Variants in MAF observed in about 807,000 individuals in gnomAD.
MAF encodes the protein MAF bZIP transcription factor, also known as transcription factor Maf.
Under a neutral mutation model 22.0 loss-of-function variants are expected in MAF, and 10 were observed. That is an observed-to-expected ratio of 0.45 (90% CI 0.28 to 0.77). MAF has a LOEUF of 0.77. Ranked by LOEUF, MAF falls within the 30% of genes least tolerant of loss-of-function variation. The pLI, the probability that MAF is intolerant of heterozygous loss-of-function variation, is 0.12. For missense variants in MAF, 544 were observed against 548.4 expected (o/e 0.99, Z 0.08); for synonymous variants, 337 against 255.8 (o/e 1.32, Z -3.03).
the MAF span, among the ~76,000 whole-genome samples, chr16:79,471,180 T>C: frequency 6.6e-6 from 1 of 152,184 alleles, no homozygotes. Context: ...CAGGGTAAGA[T>C]GGAGAGGCAG....
chr16:79,386,483 G>T, the MAF span, among the ~76,000 whole-genome samples: 3 of 152,126 alleles, frequency 2.0e-5, no homozygotes, highest in African/African-American at 4.8e-5. Flanking sequence ...CGTGAGTGAT[G>T]GGGAGTGGCT....
At chr16:79,243,017 A>G in the MAF span, among the ~76,000 whole-genome samples, 3 of 152,090 alleles carry the variant, frequency 2.0e-5, no homozygotes, top group African/African-American at 7.2e-5. Flanking sequence ...ACGAAGACAC[A>G]AAGTACCAGA....
chr16:79,430,722 G>T, the MAF span, among the ~76,000 whole-genome samples: 1 of 152,166 alleles, frequency 6.6e-6, no homozygotes, highest in African/African-American at 2.4e-5. Flanking sequence ...GCTGATTTGT[G>T]CTTCTACTTC....
At chr16:79,475,983 T>C in the MAF span, among the ~76,000 whole-genome samples, 16 of 152,330 alleles carry the variant, frequency 1.1e-4, no homozygotes, top group African/African-American at 3.8e-4. Flanking sequence ...TTTTCAAATG[T>C]AATCAAGGTC....
the MAF span, among the ~76,000 whole-genome samples, chr16:79,510,496 T>A: frequency 6.6e-6 from 1 of 152,082 alleles, no homozygotes; most frequent in Non-Finnish European, 1.5e-5. Flanking sequence ...ACAGTTTGGG[T>A]TCCAGAATAG....
Position 79,599,042 on chromosome 16 carries a change from G to A in MAF, c.861C>T (p.Ile287=), listed in dbSNP as rs139380519. Residue 287 remains isoleucine (I), a synonymous_variant, in exon 1 of 2, where the codon ATC becomes ATT. Transcript: ENST00000326043. The part of the protein sequence containing the change: ...QLRGVSKEEV[I]RLKQKRRTLK... ...GGGTCCGCCTCTTCTGCTTCAGCCG[G>A]ATCACCTCCTCCTTGCTGACCCCGC... is the stretch of plus-strand genomic sequence containing the variant. 2.5e-4 allele frequency: 409 copies of A among 1,612,974 alleles called. No individual in the cohort carries two copies. The highest frequency in any genetic ancestry group is 3.4e-4 in the Non-Finnish European group (396 of 1,179,894).
the MAF span, among the ~76,000 whole-genome samples, chr16:79,573,175 T>A: frequency 7.2e-5 from 11 of 152,234 alleles, no homozygotes; most frequent in East Asian, 5.8e-4. Context: ...ATTAGGTTTT[T>A]GACTATCTTG....
chr16:79,510,352 G>A, the MAF span, among the ~76,000 whole-genome samples: 1 of 152,186 alleles, frequency 6.6e-6, no homozygotes, highest in African/African-American at 2.4e-5. Flanking sequence ...TGATTGTAAA[G>A]CTGTCTAATT....
chr16:79,290,099 C>T, the MAF span, among the ~76,000 whole-genome samples: 2 of 152,064 alleles, frequency 1.3e-5, no homozygotes, highest in Non-Finnish European at 2.9e-5. Context: ...CCTTGTGATC[C>T]ACCCACCTCG....
At chr16:79,208,203 A>G in the MAF span, among the ~76,000 whole-genome samples, 3 of 152,230 alleles carry the variant, frequency 2.0e-5, no homozygotes, top group African/African-American at 7.2e-5. Flanking sequence ...ATGTTTGACT[A>G]GATCGGAAAT....
chr16:79,373,680 G>A, the MAF span, among the ~76,000 whole-genome samples: 4 of 151,886 alleles, frequency 2.6e-5, no homozygotes, highest in Non-Finnish European at 5.9e-5. Flanking sequence ...ATCCAGCCTG[G>A]TAGCTTCATA....
At chr16:79,251,044 C>T in the MAF span, among the ~76,000 whole-genome samples, 5 of 152,154 alleles carry the variant, frequency 3.3e-5, no homozygotes, top group Non-Finnish European at 1.5e-5. Flanking sequence ...CTAATACCAC[C>T]TGACCTTCAG....
chr16:79,535,557 A>G, the MAF span, among the ~76,000 whole-genome samples: 796 of 149,854 alleles, frequency 5.3e-3, 8 homozygotes, highest in African/African-American at 0.018. Flanking sequence ...TTCATAAAGG[A>G]CTGAAGATAG....
At chr16:79,259,303 A>G in the MAF span, among the ~76,000 whole-genome samples, 2 of 151,772 alleles carry the variant, frequency 1.3e-5, no homozygotes, top group Non-Finnish European at 2.9e-5. Context: ...TGCTTGGAAA[A>G]CTGGCCTCCT....
At chr16:79,516,619 C>T in the MAF span, among the ~76,000 whole-genome samples, 1 of 152,188 alleles carries the variant, frequency 6.6e-6, no homozygotes, top group Non-Finnish European at 1.5e-5. Flanking sequence ...CTAATCCCTT[C>T]CTGTGGATTA....
intron 1 of MAF, 192 bp downstream of exon 1, chr16:79,598,581 GGTGTGTGTGTGT>G (rs5818250): frequency 1.6e-5 from 23 of 1,410,580 alleles, no homozygotes; most frequent in Middle Eastern, 2.6e-4. Context: ...CAGGGTGTGG[GGTGTGTGTGTGT>G]GTGTGTGTGT....
chr16:79,285,843 G>A, the MAF span, among the ~76,000 whole-genome samples: 1 of 152,174 alleles, frequency 6.6e-6, no homozygotes, highest in East Asian at 1.9e-4. Flanking sequence ...GAGCAATTCT[G>A]GTGCTCACAG....
At chr16:79,598,058 A>G in intron 1 of MAF, 1 of 1,044,600 alleles carries the variant, frequency 9.6e-7, no homozygotes, top group Non-Finnish European at 1.2e-6. Flanking sequence ...CTAAAAAAAA[A>G]ACCCGATGGA....
chr16:79,276,135 A>C, the MAF span, among the ~76,000 whole-genome samples: 2 of 126,490 alleles, frequency 1.6e-5, no homozygotes. Context: ...TCAAGACTCC[A>C]TCTCAAAGAA....
Sources: allele counts gnomAD v4.1 joint callset (sites outside exome capture counted in the v4.1 genomes callset), GRCh38; gene constraint gnomAD v4.1.1; transcripts MANE v1.5; gene names NCBI Gene and HGNC (gene_info 2026-07-23, HGNC 2026-07-21).